COLGALT2: variants seen among roughly 807,000 people sequenced by gnomAD.
The protein encoded by COLGALT2 is procollagen galactosyltransferase 2.
COLGALT2 carries 49 observed loss-of-function variants against 73.4 expected under a neutral mutation model. The observed-to-expected ratio is 0.67, with a 90% CI of 0.53 to 0.85. The LOEUF is 0.85. COLGALT2 is among the 40% of genes least tolerant of loss of function. COLGALT2 has a pLI of 0.00. For synonymous variants in COLGALT2, 295 were observed against 307.6 expected, an observed-to-expected ratio of 0.96 and a Z score of 0.43; for missense variants, 722 against 790.2, an observed-to-expected ratio of 0.91 and a Z score of 1.03.
chr1:184,002,508 G>A (rs1463467485), intron 1 of COLGALT2, among the ~76,000 whole-genome samples: 1 of 152,196 alleles, frequency 6.6e-6, no homozygotes, highest in Admixed American at 6.5e-5. Context: ...GTAGCGACAG[G>A]AAGAGAATTT....
At chr1:183,981,247 G>A (rs2986564) in intron 1 of COLGALT2, among the ~76,000 whole-genome samples, 95,762 of 151,970 alleles carry the variant, frequency 0.63, 32,155 homozygotes, top group Non-Finnish European at 0.76. Flanking sequence ...AAATATATAT[G>A]ATATAATACA....
At chr1:184,023,635 G>A (rs994042055) in intron 1 of COLGALT2, among the ~76,000 whole-genome samples, 1 of 74,352 alleles carries the variant, frequency 1.3e-5, no homozygotes, top group African/African-American at 6.1e-5. Context: ...TTCCAAAAGT[G>A]CGTGAGGTGG....
intron 1 of COLGALT2, among the ~76,000 whole-genome samples, chr1:183,990,436 G>T (rs1289080268): frequency 6.6e-6 from 1 of 152,242 alleles, no homozygotes; most frequent in Admixed American, 6.5e-5. Flanking sequence ...GCAACACCTT[G>T]TCATTCACAT....
At chr1:183,967,358 T>C (rs1391012652) in intron 5 of COLGALT2, among the ~76,000 whole-genome samples, 5 of 152,240 alleles carry the variant, frequency 3.3e-5, no homozygotes, top group African/African-American at 1.2e-4. Context: ...AGGAAACACT[T>C]GGGAGTTCAT....
intron 7 of COLGALT2, among the ~76,000 whole-genome samples, chr1:183,952,129 A>G (rs1170832390): frequency 1.3e-5 from 2 of 151,964 alleles, no homozygotes; most frequent in Non-Finnish European, 2.9e-5. Context: ...TTAATGAACC[A>G]TAGAAGTATC....
At chr1:184,016,855 A>T (rs1649018689) in intron 1 of COLGALT2, among the ~76,000 whole-genome samples, 1 of 152,158 alleles carries the variant, frequency 6.6e-6, no homozygotes, top group Non-Finnish European at 1.5e-5. Context: ...ACTTCCTTAT[A>T]TTGTTGTTTA....
At chr1:183,981,499 A>C (rs59527493) in intron 1 of COLGALT2, among the ~76,000 whole-genome samples, 6,536 of 151,776 alleles carry the variant, frequency 0.043, 514 homozygotes, top group African/African-American at 0.15. Context: ...TAAAAAAAAA[A>C]AAAAACATTA....
At chr1:183,948,475 T>A (rs1007028266) in intron 8 of COLGALT2, among the ~76,000 whole-genome samples, 1 of 152,152 alleles carries the variant, frequency 6.6e-6, no homozygotes, top group Non-Finnish European at 1.5e-5. Context: ...AAAAGTCACA[T>A]GTTCATCTTA....
intron 6 of COLGALT2, among the ~76,000 whole-genome samples, chr1:183,961,621 T>A (rs1381437851): frequency 6.6e-6 from 1 of 152,216 alleles, no homozygotes; most frequent in Non-Finnish European, 1.5e-5. Context: ...AGTCCTGAAA[T>A]CTGATTCTCC....
At chr1:183,952,889 C>G (rs188493065) in intron 7 of COLGALT2, among the ~76,000 whole-genome samples, 1 of 152,346 alleles carries the variant, frequency 6.6e-6, no homozygotes, top group Admixed American at 6.5e-5. Context: ...CAGAATCATA[C>G]TGTGATGGGT....
chr1:183,934,425 CA>C (rs1361984538), downstream of COLGALT2, among the ~76,000 whole-genome samples: 1 of 152,198 alleles, frequency 6.6e-6, no homozygotes, highest in Non-Finnish European at 1.5e-5. Context: ...CTTCCTCCCT[CA>C]GCTGCATTTA....
intron 1 of COLGALT2, among the ~76,000 whole-genome samples, chr1:184,028,354 A>G (rs898115217): frequency 6.6e-6 from 1 of 151,930 alleles, no homozygotes; most frequent in Non-Finnish European, 1.5e-5. Context: ...ACCTCCACAG[A>G]CTCTCCTGTC....
chr1:184,032,679 C>T (rs781382166), intron 1 of COLGALT2, among the ~76,000 whole-genome samples: 7 of 152,124 alleles, frequency 4.6e-5, no homozygotes, highest in African/African-American at 7.2e-5. Flanking sequence ...AGCCATAAAC[C>T]GAAACTTCTA....
At chr1:184,018,683 C>T (rs1027086493) in intron 1 of COLGALT2, among the ~76,000 whole-genome samples, 3 of 152,132 alleles carry the variant, frequency 2.0e-5, no homozygotes, top group African/African-American at 7.2e-5. Context: ...GGTAATACTG[C>T]ACAAAATATC....
At chr1:183,951,198 G>T (rs1670391260) in intron 7 of COLGALT2, 85 bp from the exon 8 acceptor site, 3 of 932,556 alleles carry the variant, frequency 3.2e-6, no homozygotes, top group Non-Finnish European at 5.3e-6. Flanking sequence ...AAATGTTTTA[G>T]ATAGAAGAAG....
At chr1:183,994,290 G>A (rs572781370) in intron 1 of COLGALT2, among the ~76,000 whole-genome samples, 6 of 151,666 alleles carry the variant, frequency 4.0e-5, no homozygotes, top group South Asian at 4.2e-4. Flanking sequence ...CACCCACCTC[G>A]GCCTCCCAAA....
chr1:184,036,436 C>A lies in COLGALT2; in HGVS notation c.263+659G>T, dbSNP rs573606261. Among the ~76,000 whole-genome samples, 7 of 152,356 alleles carry A rather than the reference C, an allele frequency of 4.6e-5. No individual in the cohort carries two copies. The South Asian group carries it at 1.4e-3, about 32-fold the overall frequency. ...GGGACGTGGAACCCCGATGCACCGGCAGGGACAGCCCGGAGCGCTCGCAGG... is the reference window on the plus strand; with the variant it reads ...GGGACGTGGAACCCCGATGCACCGGAAGGGACAGCCCGGAGCGCTCGCAGG... On this transcript the variant is annotated intron_variant, in intron 1 of 11. Transcript: ENST00000361927.
chr1:183,958,568 G>A (rs1479535380), intron 6 of COLGALT2, among the ~76,000 whole-genome samples: 2 of 151,692 alleles, frequency 1.3e-5, no homozygotes, highest in Non-Finnish European at 2.9e-5. Flanking sequence ...TGACTGACTG[G>A]CCTATATACT....
rs573393603 is a variant in COLGALT2 at position 184,037,278 on chromosome 1, G to T, written c.80C>A (p.Ala27Glu). 5.5e-5 allele frequency: 85 copies of T among 1,553,930 alleles called. 1 individual carries two copies. The highest frequency in any genetic ancestry group is 2.1e-4 in the Admixed American group (11 of 51,858). Residue 27 changes from alanine (A) to glutamate (E), a missense_variant, in exon 1 of 12, where the codon GCG (alanine) becomes GAG (glutamate). Transcript: ENST00000361927. ...SSALLREGCR[A>E]RFVAERDSED... ...CGAGTCCCGCTCGGCGACGAAGCGCGCTCGGCAGCCTTCGCGGAGCAGGGC... is the reference window on the plus strand; with the variant it reads ...CGAGTCCCGCTCGGCGACGAAGCGCTCTCGGCAGCCTTCGCGGAGCAGGGC...
Sources: allele counts gnomAD v4.1 joint callset (sites outside exome capture counted in the v4.1 genomes callset), GRCh38; gene constraint gnomAD v4.1.1; transcripts MANE v1.5; gene names NCBI Gene and HGNC (gene_info 2026-07-23, HGNC 2026-07-21).